CACNA1C: variants seen among roughly 807,000 people sequenced by gnomAD.
The protein encoded by CACNA1C is voltage-dependent L-type calcium channel subunit alpha-1C.
Under a neutral mutation model 229.0 loss-of-function variants are expected in CACNA1C, and 30 were observed. The ratio of observed to expected loss-of-function variants is 0.13; its 90% confidence interval spans 0.10 to 0.18. The LOEUF (loss-of-function observed/expected upper bound fraction) is 0.18, where lower values mean the gene tolerates loss of function less well. Among genes scored for constraint, CACNA1C ranks in the 10% least tolerant of loss-of-function variants. CACNA1C has a pLI of 1.00. For synonymous variants in CACNA1C, 1,114 were observed against 1,132.5 expected, an observed-to-expected ratio of 0.98 and a Z score of 0.33; for missense variants, 1,658 against 2,845.0, an observed-to-expected ratio of 0.58 and a Z score of 9.49.
intron 3 of CACNA1C, among the ~76,000 whole-genome samples, chr12:2,257,639 C>T (rs1394517016): frequency 6.6e-6 from 1 of 152,238 alleles, no homozygotes; most frequent in Admixed American, 6.5e-5. Flanking sequence ...TGGACCGGTA[C>T]CTGGGGGCTG....
chr12:2,026,271 C>T (rs2047304296), intron 1 of CACNA1C, among the ~76,000 whole-genome samples: 1 of 152,230 alleles, frequency 6.6e-6, no homozygotes, highest in Non-Finnish European at 1.5e-5. Flanking sequence ...TGGGCAAGTA[C>T]TTATTGGCTC....
intron 3 of CACNA1C, among the ~76,000 whole-genome samples, chr12:2,443,702 G>A (rs1240684231): frequency 3.9e-5 from 6 of 152,166 alleles, no homozygotes; most frequent in East Asian, 1.9e-4. Context: ...AGAGGGCCAC[G>A]GAACTGTATA....
At chr12:2,328,115 TGCTGGCTCC>T (rs1360041102) in intron 3 of CACNA1C, among the ~76,000 whole-genome samples, 2 of 152,222 alleles carry the variant, frequency 1.3e-5, no homozygotes, top group African/African-American at 4.8e-5. Context: ...GCGGCAAGGC[TGCTGGCTCC>T]TTTTCTCCCC....
At chr12:2,396,749 T>C (rs1219124334) in intron 3 of CACNA1C, among the ~76,000 whole-genome samples, 1 of 152,278 alleles carries the variant, frequency 6.6e-6, no homozygotes, top group Admixed American at 6.5e-5. Flanking sequence ...TCTCCAACTA[T>C]TTAATGTTTC....
At chr12:2,438,318 T>TGATGGTGGG (rs1170489342) in intron 3 of CACNA1C, among the ~76,000 whole-genome samples, 72 of 148,364 alleles carry the variant, frequency 4.9e-4, no homozygotes, top group African/African-American at 1.8e-3. Context: ...GTGGTTGTGG[T>TGATGGTGGG]GATGGTGGGG....
At chr12:2,014,464 A>G (rs1232906654) in intron 1 of CACNA1C, among the ~76,000 whole-genome samples, 3 of 152,222 alleles carry the variant, frequency 2.0e-5, no homozygotes, top group African/African-American at 7.2e-5. Flanking sequence ...TCTTACCATG[A>G]GACAGGCACC....
chr12:2,222,449 A>G (rs1370959663), intron 3 of CACNA1C: 1 of 152,258 alleles, frequency 6.6e-6, no homozygotes, highest in African/African-American at 2.4e-5. Flanking sequence ...ATGAATGGTG[A>G]TAACAAGAAC....
At chr12:2,518,253 A>G (rs1054741353) in intron 9 of CACNA1C, among the ~76,000 whole-genome samples, 3 of 152,306 alleles carry the variant, frequency 2.0e-5, no homozygotes, top group Non-Finnish European at 2.9e-5. Context: ...AGTAACCTGA[A>G]TATCGCTGAT....
chr12:2,249,763 G>T (rs1057224057), intron 3 of CACNA1C, among the ~76,000 whole-genome samples: 1 of 148,218 alleles, frequency 6.7e-6, no homozygotes, highest in African/African-American at 2.5e-5. Context: ...CATCTGCCTT[G>T]CCTTCTCTCT....
intron 1 of CACNA1C, among the ~76,000 whole-genome samples, chr12:1,980,645 G>A (rs116329157): frequency 2.7e-3 from 402 of 148,448 alleles, no homozygotes; most frequent in African/African-American, 9.5e-3. Flanking sequence ...GCTTATAAGT[G>A]TCATTTTAAA....
rs116671588 is a variant in CACNA1C, at chr12:2,432,833, A to G, written c.478-16143A>G. ...CCAGATGAACTTCCATATCCCTTCC[A>G]GCTAGAATGCTTGCTGTGCACCACA... On this transcript the variant is annotated intron_variant, in intron 3 of 46. Coordinates refer to ENST00000399655, the MANE Select transcript of CACNA1C (RefSeq NM_000719.7). Among the ~76,000 whole-genome samples, 1,077 of 152,226 alleles carry G rather than the reference A, an allele frequency of 7.1e-3. 19 individuals are homozygous for G. Among genetic ancestry groups the G allele is most frequent in the African/African-American group, 0.025 (1,023 of 41,526 alleles).
chr12:2,070,779 A>G (rs1006490207), intron 1 of CACNA1C, among the ~76,000 whole-genome samples: 10 of 152,268 alleles, frequency 6.6e-5, no homozygotes, highest in African/African-American at 2.4e-4. Context: ...GAAGATTCGT[A>G]TCACTCACCA....
Position 2,653,961 on chromosome 12 carries a change from C to T in CACNA1C, c.4140+61C>T, listed in dbSNP as rs77216261. On this transcript the variant is annotated intron_variant, in intron 33 of 46. Coordinates refer to ENST00000399655, the MANE Select transcript of CACNA1C (RefSeq NM_000719.7). This position sits in a 1 kb window ranked among gnomAD's most constrained non-coding sequence, Gnocchi z 4.7. ...CGCTCTGTCTCTCCCCAGTTCCCAG[C>T]ACCACATTCCCTAACGCCTTCCTCC... The T allele has an allele frequency of 1.6e-5, 21 of 1,340,732 alleles. No homozygotes were observed. In the East Asian group the frequency reaches 4.6e-4, roughly 29 times the overall value. The allele number at this position is 1,340,732 out of a possible 1,614,324, so 83.1% of individuals were successfully genotyped here. A position where few individuals can be genotyped will look rare whatever the true frequency, so the allele number is the denominator to read the frequency against.
chr12:2,014,636 A>G (rs2045027362), intron 1 of CACNA1C, among the ~76,000 whole-genome samples: 1 of 152,228 alleles, frequency 6.6e-6, no homozygotes, highest in Non-Finnish European at 1.5e-5. Context: ...GCAGAGGCCC[A>G]AGAGAGGCTC....
intron 3 of CACNA1C, among the ~76,000 whole-genome samples, chr12:2,438,477 G>T (rs1333931451): frequency 6.6e-6 from 1 of 151,988 alleles, no homozygotes; most frequent in Non-Finnish European, 1.5e-5. Flanking sequence ...TCCAGAGCAG[G>T]GTGGCCACTG....
In CACNA1C at chr12:2,651,805, C is replaced by T. The variant is rs773077760; in HGVS notation, c.4074+37C>T. 6.5e-7 allele frequency: 1 copy of T among 1,527,290 alleles called. No homozygotes were observed. The highest frequency in any genetic ancestry group is 1.2e-5 in the South Asian group (1 of 81,464). 94.6% of individuals were successfully genotyped at this position (1,527,290 alleles called of 1,614,324 possible). A position where few individuals can be genotyped will look rare whatever the true frequency, so the allele number is the denominator to read the frequency against. ...TCATGTCCTGCGGCCCGGGGAATCGCAGGGCTGCCGCGTGGCCCAGAACAC... is the reference window on the plus strand; with the variant it reads ...TCATGTCCTGCGGCCCGGGGAATCGTAGGGCTGCCGCGTGGCCCAGAACAC... On this transcript the variant is annotated intron_variant, in intron 32 of 46. Transcript: ENST00000399655. The surrounding 1 kb of genome is among the most constrained non-coding windows in gnomAD (Gnocchi z 5.4).
intron 34 of CACNA1C, among the ~76,000 whole-genome samples, chr12:2,662,114 C>T (rs1460854956): frequency 4.6e-5 from 7 of 151,734 alleles, no homozygotes; most frequent in Admixed American, 2.0e-4. Context: ...TGGTAGCAGG[C>T]GCCTGTAGTC....
chr12:2,339,985 C>T (rs969054814), intron 3 of CACNA1C, among the ~76,000 whole-genome samples: 1 of 152,140 alleles, frequency 6.6e-6, no homozygotes, highest in Non-Finnish European at 1.5e-5. Context: ...ACACATATTA[C>T]TATGTACTTT....
At chr12:2,177,506 CCTCT>C (rs912212610) in intron 3 of CACNA1C, among the ~76,000 whole-genome samples, 4 of 150,856 alleles carry the variant, frequency 2.7e-5, no homozygotes, top group South Asian at 2.1e-4. Flanking sequence ...TCCCTCCCTC[CCTCT>C]CTCTTTCTTC....
Sources: gnomAD v4.1 joint callset for allele counts (sites outside exome capture counted in the v4.1 genomes callset) on GRCh38, gnomAD v4.1.1 for gene constraint, Gnocchi (gnomAD v3.1) non-coding constraint, MANE v1.5 for transcripts, NCBI Gene and HGNC (gene_info 2026-07-23, HGNC 2026-07-21) for gene names.